TPST2: variants seen among roughly 807,000 people sequenced by gnomAD.
TPST2 encodes the protein tyrosylprotein sulfotransferase 2.
TPST2 carries 16 observed loss-of-function variants against 27.8 expected under a neutral mutation model. That is an observed-to-expected ratio of 0.58 (90% CI 0.39 to 0.88). The LOEUF (loss-of-function observed/expected upper bound fraction) is 0.88, where lower values mean the gene tolerates loss of function less well. Among genes scored for constraint, TPST2 ranks in the 40% least tolerant of loss-of-function variants. The pLI, the probability that TPST2 is intolerant of heterozygous loss-of-function variation, is 0.00. For synonymous variants in TPST2, 229 were observed against 231.7 expected, an observed-to-expected ratio of 0.99 and a Z score of 0.10; for missense variants, 464 against 543.1, an observed-to-expected ratio of 0.85 and a Z score of 1.45.
chr22:26,529,007 A>AC (rs1555927216), intron 5 of TPST2, among the ~76,000 whole-genome samples: 7 of 151,356 alleles, frequency 4.6e-5, no homozygotes, highest in Non-Finnish European at 1.0e-4. Context: ...AAAACAAAAA[A>AC]AAAACAAAAC....
intron 1 of TPST2, among the ~76,000 whole-genome samples, chr22:26,567,634 G>A (rs1927431668): frequency 6.6e-6 from 1 of 152,128 alleles, no homozygotes; most frequent in South Asian, 2.1e-4. Flanking sequence ...ATCAAATGAA[G>A]TCATGCATGA....
In TPST2 at chr22:26,540,962, G is replaced by C. The variant is rs112497588; in HGVS notation, c.669C>G (p.Ala223=). Reference sequence around the variant, plus strand: ...TCTCCTTGCCTACCTCCATGCACTGGGCGTACATCACCTCGATGGCCTTGT... The same window carrying C: ...TCTCCTTGCCTACCTCCATGCACTGCGCGTACATCACCTCGATGGCCTTGT... ...KWNKAIEVMY[A]QCMEVGKEKC... The change falls in exon 3 of 7, where the codon GCC becomes GCG. Residue 223 remains alanine (A), a synonymous_variant. Coordinates refer to ENST00000338754, the MANE Select transcript of TPST2 (RefSeq NM_003595.5). The C allele has an allele frequency of 7.4e-4, 1,189 of 1,614,170 alleles. 6 individuals are homozygous for C. In the African/African-American group the frequency reaches 0.013, roughly 18 times the overall value.
At chr22:26,569,255 G>A (rs952508004) in intron 1 of TPST2, among the ~76,000 whole-genome samples, 2 of 152,122 alleles carry the variant, frequency 1.3e-5, no homozygotes, top group African/African-American at 4.8e-5. Flanking sequence ...TGGATACAAA[G>A]TACAAAAACA....
At chr22:26,579,132 G>A (rs73163225) in intron 1 of TPST2, among the ~76,000 whole-genome samples, 35,674 of 152,074 alleles carry the variant, frequency 0.23, 4,502 homozygotes, top group East Asian at 0.34. Flanking sequence ...CTGGGATTAT[G>A]GGTGTGAGCC....
intron 5 of TPST2, among the ~76,000 whole-genome samples, chr22:26,528,785 C>T (rs112346454): frequency 0.095 from 14,416 of 152,016 alleles, 793 homozygotes; most frequent in East Asian, 0.13. Context: ...GAGTTTGAGA[C>T]CAGCCTGGCC....
chr22:26,573,149 T>C (rs1225001481), intron 1 of TPST2, among the ~76,000 whole-genome samples: 1 of 152,226 alleles, frequency 6.6e-6, no homozygotes, highest in East Asian at 1.9e-4. Context: ...TCTTCCCACC[T>C]CAGCCCCTCG....
chr22:26,560,686 C>G lies in TPST2; in HGVS notation c.-160-16011G>C, dbSNP rs1927040481. On this transcript the variant is annotated intron_variant, in intron 1 of 6. Transcript: ENST00000338754. ...TCAGAGAGGTGGAAGACCATGTCTGCTAAAGAGAAAGGAAAATTTGAAGAT... is the reference window on the plus strand; with the variant it reads ...TCAGAGAGGTGGAAGACCATGTCTGGTAAAGAGAAAGGAAAATTTGAAGAT... The G allele has an allele frequency of 2.6e-6, 3 of 1,135,010 alleles. No individual in the cohort carries two copies. In the African/African-American group the frequency reaches 4.6e-5, roughly 17 times the overall value. 70.3% of individuals were successfully genotyped at this position (1,135,010 alleles called of 1,614,324 possible). A position where few individuals can be genotyped will look rare whatever the true frequency, so the allele number is the denominator to read the frequency against.
chr22:26,561,244 A>G (rs1927076202), intron 1 of TPST2, among the ~76,000 whole-genome samples: 1 of 152,100 alleles, frequency 6.6e-6, no homozygotes, highest in African/African-American at 2.4e-5. Flanking sequence ...TAAAGAAAAA[A>G]ATTGAAATGT....
intron 1 of TPST2, among the ~76,000 whole-genome samples, chr22:26,575,546 C>T (rs1190681688): frequency 1.3e-5 from 2 of 152,182 alleles, no homozygotes; most frequent in African/African-American, 2.4e-5. Context: ...ATCAGCTCTC[C>T]CAGGGCAGGA....
At chr22:26,563,416 T>C (rs556408282) in intron 1 of TPST2, among the ~76,000 whole-genome samples, 10 of 149,012 alleles carry the variant, frequency 6.7e-5, no homozygotes, top group African/African-American at 2.5e-4. Flanking sequence ...GCAAGCTCCG[T>C]CTCCCGGGTT....
At chr22:26,531,414 A>G (rs180886137) in intron 5 of TPST2, among the ~76,000 whole-genome samples, 2 of 152,370 alleles carry the variant, frequency 1.3e-5, no homozygotes, top group East Asian at 1.9e-4. Flanking sequence ...GAAAATTGCA[A>G]TGAACATTCC....
intron 5 of TPST2, among the ~76,000 whole-genome samples, chr22:26,531,757 C>A (rs1267410371): frequency 6.6e-6 from 1 of 152,182 alleles, no homozygotes; most frequent in Admixed American, 6.6e-5. Flanking sequence ...CACGACTGCC[C>A]CACTTTAGAT....
chr22:26,583,937 A>C (rs1163674422), intron 1 of TPST2, among the ~76,000 whole-genome samples: 2 of 152,228 alleles, frequency 1.3e-5, no homozygotes, highest in African/African-American at 4.8e-5. Flanking sequence ...AGCCGCACTT[A>C]CGTGACAATG....
intron 1 of TPST2, among the ~76,000 whole-genome samples, chr22:26,586,038 G>A (rs1273064183): frequency 3.3e-5 from 5 of 151,894 alleles, no homozygotes; most frequent in South Asian, 2.1e-4. Context: ...GCGAAACTCC[G>A]TCTCAAAAAT....
At chr22:26,528,983 AAAAAAC>A (rs1924994033) in intron 5 of TPST2, among the ~76,000 whole-genome samples, 4 of 136,482 alleles carry the variant, frequency 2.9e-5, no homozygotes, top group Admixed American at 1.6e-4. Context: ...CTAGGTATCA[AAAAAAC>A]AAAAACAAAA....
At chr22:26,546,379 C>G (rs1432669341) in intron 1 of TPST2, among the ~76,000 whole-genome samples, 2 of 152,238 alleles carry the variant, frequency 1.3e-5, no homozygotes. Flanking sequence ...TGATGTGAGG[C>G]CTGCTCTCTT....
intron 1 of TPST2, among the ~76,000 whole-genome samples, chr22:26,582,132 G>GA: frequency 6.6e-6 from 1 of 152,292 alleles, no homozygotes; most frequent in East Asian, 1.9e-4. Flanking sequence ...CTGCTAATCA[G>GA]AATGTGCACT....
Position 26,541,895 on chromosome 22 carries a change from GT to G in TPST2, c.-88-178del, listed in dbSNP as rs1319835061. Among the ~76,000 whole-genome samples, 1 of 151,890 alleles carries G rather than the reference GT, an allele frequency of 6.6e-6. No homozygotes were observed. Among genetic ancestry groups the G allele is most frequent in the East Asian group, 1.9e-4 (1 of 5,178 alleles). On this transcript the variant is annotated intron_variant, in intron 2 of 6. Transcript: ENST00000338754. The surrounding 1 kb of genome is among the most constrained non-coding windows in gnomAD (Gnocchi z 5.9). ...CTGGGCACTTTTTTCAATTTTTTTT[GT>G]TTTTTTAAAGAGATGGGGTCTCACC...
intron 1 of TPST2, among the ~76,000 whole-genome samples, chr22:26,579,710 G>A (rs1928014986): frequency 6.6e-6 from 1 of 152,090 alleles, no homozygotes; most frequent in African/African-American, 2.4e-5. Flanking sequence ...ACCTGTGTGG[G>A]CTTGGGGTCG....
Sources: allele counts gnomAD v4.1 joint callset (sites outside exome capture counted in the v4.1 genomes callset), GRCh38; gene constraint gnomAD v4.1.1; non-coding constraint Gnocchi (gnomAD v3.1); transcripts MANE v1.5; gene names NCBI Gene and HGNC (gene_info 2026-07-23, HGNC 2026-07-21).